The following ZNF554 variants were observed in gnomAD, a reference collection of about 807,000 sequenced individuals.
The protein encoded by ZNF554 is zinc finger protein 554.
In ZNF554, 15 loss-of-function variants were observed where a neutral mutation model predicts 21.2. The observed-to-expected ratio is 0.71, with a 90% confidence interval of 0.47 to 1.09. The LOEUF (loss-of-function observed/expected upper bound fraction) is 1.09. ZNF554 is among the 50% of genes least tolerant of loss of function. The probability of loss-of-function intolerance (pLI) is 0.00; values close to 1 mark genes in which losing one functional copy is unlikely to be tolerated. For missense variants in ZNF554, 691 were observed against 662.7 expected, an observed-to-expected ratio of 1.04 and a Z score of -0.47; for synonymous variants, 258 against 251.4, an observed-to-expected ratio of 1.03 and a Z score of -0.25.
At position 2,833,893 on chromosome 19, in the gene ZNF554, C is replaced by A. The variant is rs1185065035; in HGVS notation, c.658C>A (p.His220Asn). 6.2e-7 allele frequency: 1 copy of A among 1,613,832 alleles called. No homozygotes were observed. The highest frequency in any genetic ancestry group is 2.2e-5 in the East Asian group (1 of 44,874). The change falls in exon 5 of 5, where the codon CAT (histidine) becomes AAT (asparagine). Residue 220 changes from histidine (H) to asparagine (N), a missense_variant. Coordinates refer to ENST00000317243, the MANE Select transcript of ZNF554 (RefSeq NM_001102651.2). ...TCCTCAGGAGAAGGCTACTGCATGG[C>A]ATGGATTTGGGGAAAATGGTAATCT... ...AVPQEKATAW[H>N]GFGENGNLSP... is the part of the protein sequence containing the mutation.
chr19:2,832,686 G>A (rs1440893156), intron 4 of ZNF554, among the ~76,000 whole-genome samples, 192 bp downstream of exon 4: 1 of 152,176 alleles, frequency 6.6e-6, no homozygotes, highest in Admixed American at 6.5e-5. Flanking sequence ...TGGATACAGA[G>A]AAAAGAGTAT....
chr19:2,822,286 A>T (rs971058949), intron 1 of ZNF554, among the ~76,000 whole-genome samples: 2 of 152,026 alleles, frequency 1.3e-5, no homozygotes, highest in East Asian at 1.9e-4. Flanking sequence ...CCTGGGCTCA[A>T]GTGATCCTCG....
rs762586098 is a variant in ZNF554 at position 2,820,684 on chromosome 19, C to CTTTTTTTTTTTTTTTTTTTTTT, written c.53+576_53+577insTTTTTTTTTTTTTTTTTTTTTT. 9.3e-3 allele frequency among the ~76,000 whole-genome samples: 959 copies of CTTTTTTTTTTTTTTTTTTTTTT among 102,986 alleles called. 117 individuals are homozygous for CTTTTTTTTTTTTTTTTTTTTTT. The highest frequency in any genetic ancestry group is 0.022 in the African/African-American group (567 of 26,066). 67.6% of individuals were successfully genotyped at this position (102,986 alleles called of 152,430 possible). Reference sequence around the variant, plus strand: ...TCCTGGTGATAAGACAGCAAGGGTCCTTTTTTTTTTTTTTTTGAGACGGAG... The same window carrying CTTTTTTTTTTTTTTTTTTTTTT: ...TCCTGGTGATAAGACAGCAAGGGTCCTTTTTTTTTTTTTTTTTTTTTTTTTTTTTTTTTTTTTTGAGACGGAG... On this transcript the variant is annotated intron_variant, in intron 1 of 4. Transcript: ENST00000317243.
chr19:2,827,592 G>T, intron 2 of ZNF554, 25 bp from the exon 3 acceptor site: 1 of 1,606,150 alleles, frequency 6.2e-7, no homozygotes, highest in Non-Finnish European at 8.5e-7. Context: ...GACCCATCTT[G>T]AGCAGAACTG....
At chr19:2,832,208 G>C in intron 3 of ZNF554, 95 bp from the exon 4 acceptor site, 1 of 1,286,882 alleles carries the variant, frequency 7.8e-7, no homozygotes, top group Non-Finnish European at 1.1e-6. Context: ...TTACAGGAGT[G>C]AGCCACCATG....
Position 2,836,371 on chromosome 19 carries a change from GC to G in ZNF554, c.*1520del, listed in dbSNP as rs1211261115. ...GCTGGGATTACAGGTGTGAACCACTGCTCCTGGCCTTTATTTCAGCATTCTG... is the reference window on the plus strand; with the variant it reads ...GCTGGGATTACAGGTGTGAACCACTGTCCTGGCCTTTATTTCAGCATTCTG... On this transcript the variant is annotated 3_prime_UTR_variant, in exon 5 of 5. Transcript: ENST00000317243. Among the ~76,000 whole-genome samples, 1 of 152,208 alleles carries G rather than the reference GC, an allele frequency of 6.6e-6. No individual in the cohort carries two copies. The highest frequency in any genetic ancestry group is 1.9e-4 in the East Asian group (1 of 5,196).
At chr19:2,827,528 A>G (rs1308075847) in intron 2 of ZNF554, 89 bp from the exon 3 acceptor site, 2 of 1,512,954 alleles carry the variant, frequency 1.3e-6, no homozygotes, top group East Asian at 2.3e-5. Context: ...ACCTTTCTCA[A>G]CTTCCCTGGT....
In ZNF554 at chr19:2,833,691, T is replaced by C; in HGVS notation, c.456T>C (p.Thr152=). The C allele has an allele frequency of 1.3e-6, 2 of 1,520,534 alleles. No homozygotes were observed. The highest frequency in any genetic ancestry group is 4.5e-5 in the Admixed American group (2 of 44,392). 94.2% of individuals were successfully genotyped at this position (1,520,534 alleles called of 1,614,324 possible). ...TPQASCSDWM[T]VLRNQDSTYK... ...CTCAATTTATTTCAGATTGGATGAC[T>C]GTACTAAGAAACCAAGACTCAACTT... is the stretch of plus-strand genomic sequence containing the variant. Residue 152 remains threonine, a synonymous_variant, in exon 5 of 5, where the codon ACT becomes ACC. Coordinates refer to ENST00000317243, the MANE Select transcript of ZNF554 (RefSeq NM_001102651.2).
chr19:2,827,483 G>A (rs1405371237), intron 2 of ZNF554, 134 bp from the exon 3 acceptor site: 3 of 1,080,796 alleles, frequency 2.8e-6, no homozygotes, highest in Non-Finnish European at 3.9e-6. Flanking sequence ...CCACAAGGCA[G>A]CTAGTAGAAA....
rs909369543 is a variant in ZNF554 at position 2,820,102 on chromosome 19, G to A, written c.31G>A (p.Ala11Thr). Reference sequence around the variant, plus strand: ...CACCTGCGCCCACCTGGGCCGGCGCGCGCGGCTCCCGGCAGCTCAGCCGTA... The same window carrying A: ...CACCTGCGCCCACCTGGGCCGGCGCACGCGGCTCCCGGCAGCTCAGCCGTA... MVTCAHLGRR[A>T]RLPAAQPSAC... The change falls in exon 1 of 5, where the codon GCG becomes ACG. Residue 11 changes from alanine to threonine, a missense_variant. Transcript: ENST00000317243. The A allele has an allele frequency of 1.6e-6, 2 of 1,218,024 alleles. No individual in the cohort carries two copies. The highest frequency in any genetic ancestry group is 2.0e-6 in the Non-Finnish European group (2 of 978,674). 75.5% of individuals were successfully genotyped at this position (1,218,024 alleles called of 1,614,324 possible). A position where few individuals can be genotyped will look rare whatever the true frequency, so the allele number is the denominator to read the frequency against.
In ZNF554 at chr19:2,834,329, C is replaced by T; in HGVS notation, c.1094C>T (p.Ser365Phe). Residue 365 changes from serine to phenylalanine, a missense_variant, in exon 5 of 5, where the codon TCC becomes TTC. Coordinates refer to ENST00000317243, the MANE Select transcript of ZNF554 (RefSeq NM_001102651.2). ...TGTGGGCGAGCCTTTACGCACAGCT[C>T]CACCCTCACGCGCCATCTGAGAACT... Reference protein sequence around the residue: ...QECGRAFTHSSTLTRHLRTHT... With the variant: ...QECGRAFTHSFTLTRHLRTHT... 1 of 1,614,032 alleles carries T rather than the reference C, an allele frequency of 6.2e-7. No homozygotes were observed. Among genetic ancestry groups the T allele is most frequent in the Non-Finnish European group, 8.5e-7 (1 of 1,180,034 alleles).
chr19:2,829,449 C>A (rs772510274), intron 3 of ZNF554, among the ~76,000 whole-genome samples: 2 of 152,030 alleles, frequency 1.3e-5, no homozygotes. Flanking sequence ...ACCAGCTTGA[C>A]CAACATGGAG....
Position 2,827,660 on chromosome 19 carries a change from A to G in ZNF554, c.170A>G (p.Glu57Gly). The change falls in exon 3 of 5, where the codon GAG becomes GGG. Residue 57 changes from glutamate (E) to glycine (G), a missense_variant. Transcript: ENST00000317243. ...GACGTGTCCATGGACTTCTCCCAGG[A>G]GGAGTGGGAGTTGCTGGAGCCTGCT... ...FEDVSMDFSQ[E>G]EWELLEPAQK... 6.2e-7 allele frequency: 1 copy of G among 1,613,974 alleles called. No homozygotes were observed. The highest frequency in any genetic ancestry group is 8.5e-7 in the Non-Finnish European group (1 of 1,179,948).
Position 2,834,025 on chromosome 19 carries a change from C to T in ZNF554, c.790C>T (p.Gln264Ter), listed in dbSNP as rs2087459357. 6.2e-7 allele frequency: 1 copy of T among 1,614,128 alleles called. No homozygotes were observed. The highest frequency in any genetic ancestry group is 8.5e-7 in the Non-Finnish European group (1 of 1,180,034). The change falls in exon 5 of 5, where the codon CAG (glutamine) becomes TAG (stop). Residue 264 changes from glutamine to a stop codon, truncating the protein, a stop_gained. Coordinates refer to ENST00000317243, the MANE Select transcript of ZNF554 (RefSeq NM_001102651.2). LOFTEE classifies it low-confidence loss of function (END_TRUNC). ...ATCCGATTCAGTCTTAAACCACCAT[C>T]AGCTGGGATATGCAGATCGGAGACC... ...LASDSVLNHH[Q>*]LGYADRRPCE...
At chr19:2,822,550 C>T (rs2087277731) in intron 1 of ZNF554, among the ~76,000 whole-genome samples, 1 of 152,256 alleles carries the variant, frequency 6.6e-6, no homozygotes, top group South Asian at 2.1e-4. Context: ...CTTCCAAGGG[C>T]CTCAGGACCT....
Position 2,833,664 on chromosome 19 carries a change from G to T in ZNF554, c.446-17G>T, listed in dbSNP as rs766594633. Reference sequence around the variant, plus strand: ...TTCTTCTTCTAAAAAAATGGTTTCCGCCTCAATTTATTTCAGATTGGATGA... The same window carrying T: ...TTCTTCTTCTAAAAAAATGGTTTCCTCCTCAATTTATTTCAGATTGGATGA... On this transcript the variant is annotated splice_polypyrimidine_tract_variant and intron_variant, in intron 4 of 4. Transcript: ENST00000317243. 38 of 1,504,236 alleles carry T rather than the reference G, an allele frequency of 2.5e-5. No individual in the cohort carries two copies. Among genetic ancestry groups the T allele is most frequent in the Non-Finnish European group, 3.2e-5 (36 of 1,127,502 alleles). The allele number at this position is 1,504,236 out of a possible 1,614,324, so 93.2% of individuals were successfully genotyped here.
chr19:2,836,116 TGTG>T lies in ZNF554; in HGVS notation c.*1265_*1267del, dbSNP rs1306567860. Among the ~76,000 whole-genome samples, 1 of 151,690 alleles carries T rather than the reference TGTG, an allele frequency of 6.6e-6. No homozygotes were observed. The highest frequency in any genetic ancestry group is 1.5e-5 in the Non-Finnish European group (1 of 67,914). On this transcript the variant is annotated 3_prime_UTR_variant, in exon 5 of 5. Coordinates refer to ENST00000317243, the MANE Select transcript of ZNF554 (RefSeq NM_001102651.2). ...CCTCCCAAAGTGCTGGTATTACAGG[TGTG>T]AGCCACCGTGCTGGTATTACGGGTG...
intron 2 of ZNF554, 123 bp from the exon 3 acceptor site, chr19:2,827,494 C>T (rs2087350863): frequency 2.4e-6 from 3 of 1,260,244 alleles, no homozygotes; most frequent in South Asian, 3.2e-5. Flanking sequence ...CTAGTAGAAA[C>T]TGACTTATGG....
At position 2,835,609 on chromosome 19, in the gene ZNF554, GA is replaced by G. The variant is rs1449771031; in HGVS notation, c.*758del. The G allele has an allele frequency of 6.6e-6, 1 of 152,162 alleles. No individual in the cohort carries two copies. The highest frequency in any genetic ancestry group is 1.5e-5 in the Non-Finnish European group (1 of 68,030). The allele number at this position is 152,162 out of a possible 1,614,324, so 9.4% of individuals were successfully genotyped here. A position where few individuals can be genotyped will look rare whatever the true frequency, so the allele number is the denominator to read the frequency against. On this transcript the variant is annotated 3_prime_UTR_variant, in exon 5 of 5. Transcript: ENST00000317243. ...AAGCATGAGCCGCTGTGCCCAGCCT[GA>G]CGGGGCCTTTTAGTGGGAGGAGTTG...
Sources: gnomAD v4.1 joint callset for allele counts (sites outside exome capture counted in the v4.1 genomes callset) on GRCh38, gnomAD v4.1.1 for gene constraint, MANE v1.5 for transcripts, NCBI Gene and HGNC (gene_info 2026-07-23, HGNC 2026-07-21) for gene names.